AHRR: variants seen among roughly 807,000 people sequenced by gnomAD.
AHRR encodes the protein aryl hydrocarbon receptor repressor.
In AHRR, 28 loss-of-function variants were observed where a neutral mutation model predicts 44.0. The ratio of observed to expected loss-of-function variants is 0.64; its 90% CI spans 0.47 to 0.87. The LOEUF (loss-of-function observed/expected upper bound fraction) is 0.87. Among genes scored for constraint, AHRR ranks in the 40% least tolerant of loss-of-function variants. AHRR has a pLI of 0.00. For synonymous variants in AHRR, 434 were observed against 407.0 expected (o/e 1.07, Z -0.80); for missense variants, 990 against 953.9 (o/e 1.04, Z -0.50).
At chr5:414,891 C>T (rs1735649064) in intron 5 of AHRR, among the ~76,000 whole-genome samples, 1 of 152,204 alleles carries the variant, frequency 6.6e-6, no homozygotes, top group South Asian at 2.1e-4. Context: ...ACCAGTAGCA[C>T]CGGCTCAGCA....
At chr5:375,203 T>C (rs953318621) in intron 3 of AHRR, among the ~76,000 whole-genome samples, 1 of 152,244 alleles carries the variant, frequency 6.6e-6, no homozygotes, top group Non-Finnish European at 1.5e-5. Flanking sequence ...GACATTATGC[T>C]TTTATTCAAG....
chr5:420,471 G>A (rs2126527740), intron 5 of AHRR, among the ~76,000 whole-genome samples: 1 of 152,348 alleles, frequency 6.6e-6, no homozygotes. Context: ...GTTGAACGGA[G>A]GTGGGGCCTG....
chr5:427,802 A>C lies in AHRR; in HGVS notation c.709-5A>C. 1 of 1,614,046 alleles carries C rather than the reference A, an allele frequency of 6.2e-7. No homozygotes were observed. The highest frequency in any genetic ancestry group is 8.5e-7 in the Non-Finnish European group (1 of 1,179,922). ...ACGCCTTCCTCTCTGTCTTTAAAACACCAGACGATGCAGTTTCAAGGAAAA... is the reference window on the plus strand; with the variant it reads ...ACGCCTTCCTCTCTGTCTTTAAAACCCCAGACGATGCAGTTTCAAGGAAAA... On this transcript the variant is annotated splice_polypyrimidine_tract_variant and splice_region_variant and intron_variant, in intron 7 of 10. Coordinates refer to ENST00000684583, the MANE Select transcript of AHRR (RefSeq NM_001377236.1).
chr5:377,116 C>A (rs745408418), intron 4 of AHRR, among the ~76,000 whole-genome samples: 5 of 152,146 alleles, frequency 3.3e-5, no homozygotes, highest in African/African-American at 4.8e-5. Flanking sequence ...TGGTTTCAAT[C>A]TTGGGGTGGC....
chr5:394,080 T>C (rs1192672821), intron 4 of AHRR, among the ~76,000 whole-genome samples: 2 of 152,250 alleles, frequency 1.3e-5, no homozygotes, highest in African/African-American at 4.8e-5. Flanking sequence ...TTTTATCTTC[T>C]GGACCTGCTG....
chr5:366,698 G>T (rs550769068), intron 3 of AHRR, among the ~76,000 whole-genome samples: 1 of 152,274 alleles, frequency 6.6e-6, no homozygotes, highest in East Asian at 1.9e-4. Context: ...GATCTTACCC[G>T]CCAATAGTGG....
In AHRR at chr5:423,986, G is replaced by C. The variant is rs374327351; in HGVS notation, c.708+9G>C. The C allele has an allele frequency of 2.5e-6, 4 of 1,595,134 alleles. No individual in the cohort carries two copies. In the South Asian group the frequency reaches 3.3e-5, roughly 13 times the overall value. On this transcript the variant is annotated intron_variant, in intron 7 of 10. Transcript: ENST00000684583. ...GCACCTCGGGCTTCCTGGTGAGTGC[G>C]TGGGTCCCTGGCAGGGGGCTCCCGA...
chr5:424,024 A>G (rs1009078420), intron 7 of AHRR, 47 bp downstream of exon 7: 6 of 1,574,042 alleles, frequency 3.8e-6, no homozygotes, highest in Non-Finnish European at 2.6e-6. Flanking sequence ...TCTGGGATGC[A>G]TTCTACCCTG....
intron 7 of AHRR, 132 bp from the exon 8 acceptor site, chr5:427,675 T>A (rs765524322): frequency 1.9e-6 from 3 of 1,613,500 alleles, no homozygotes; most frequent in Non-Finnish European, 2.5e-6. Context: ...GGCTCTGCTG[T>A]CCCGAGCCAC....
chr5:376,555 A>AACACAG (rs1306970800), intron 3 of AHRR, 55 bp from the exon 4 acceptor site: 7 of 1,431,442 alleles, frequency 4.9e-6, no homozygotes, highest in Admixed American at 2.2e-5. Context: ...TGAATGAAGA[A>AACACAG]GAGTGGCCAG....
At chr5:345,126 ATG>A (rs146530987) in intron 2 of AHRR, among the ~76,000 whole-genome samples, 304 of 2,622 alleles carry the variant, frequency 0.12, 46 homozygotes, top group East Asian at 0.28. Flanking sequence ...GTGTGTGGGG[ATG>A]TGTGTGTGTG....
chr5:363,054 C>A (rs1331410717), intron 3 of AHRR, among the ~76,000 whole-genome samples: 1 of 152,222 alleles, frequency 6.6e-6, no homozygotes, highest in African/African-American at 2.4e-5. Flanking sequence ...ATAGGTCCAG[C>A]AAAACAGTTA....
At chr5:425,636 T>A (rs1256034451) in intron 7 of AHRR, among the ~76,000 whole-genome samples, 1 of 152,370 alleles carries the variant, frequency 6.6e-6, no homozygotes, top group South Asian at 2.1e-4. Context: ...AAACTCTTAT[T>A]TCTAGGTGAC....
chr5:402,864 G>A (rs968020157), intron 4 of AHRR, among the ~76,000 whole-genome samples: 3 of 152,166 alleles, frequency 2.0e-5, no homozygotes, highest in African/African-American at 7.2e-5. Flanking sequence ...TGTTCAACCA[G>A]AAAAAGAAGG....
intron 7 of AHRR, among the ~76,000 whole-genome samples, chr5:427,067 A>G (rs150174681): frequency 5.3e-4 from 80 of 151,036 alleles, no homozygotes; most frequent in African/African-American, 1.8e-3. Context: ...GGATGGGTGG[A>G]TGGATGGATG....
intron 3 of AHRR, among the ~76,000 whole-genome samples, chr5:372,821 C>T (rs1743624886): frequency 1.3e-5 from 2 of 152,282 alleles, no homozygotes; most frequent in Admixed American, 6.5e-5. Flanking sequence ...TGGGTCAGAC[C>T]GAGTCACAGG....
chr5:415,136 C>T (rs1048002497), intron 5 of AHRR, among the ~76,000 whole-genome samples: 2 of 152,266 alleles, frequency 1.3e-5, no homozygotes, highest in East Asian at 1.9e-4. Flanking sequence ...ACCTGGAGGC[C>T]GCTAGGCGCT....
chr5:419,729 G>A lies in AHRR; in HGVS notation c.442-3000G>A, dbSNP rs1735983302. ...CGGCCCATAAGAGCTGATGGGGTTGGTATTTCTGTTTGTTGCCAACCCCTG... is the reference window on the plus strand; with the variant it reads ...CGGCCCATAAGAGCTGATGGGGTTGATATTTCTGTTTGTTGCCAACCCCTG... On this transcript the variant is annotated intron_variant, in intron 5 of 10. Coordinates refer to ENST00000684583, the MANE Select transcript of AHRR (RefSeq NM_001377236.1). The surrounding 1 kb of genome is among the most constrained non-coding windows in gnomAD (Gnocchi z 4.4). 6.6e-6 allele frequency among the ~76,000 whole-genome samples: 1 copy of A among 152,142 alleles called. No individual in the cohort carries two copies. Among genetic ancestry groups the A allele is most frequent in the South Asian group, 2.1e-4 (1 of 4,830 alleles).
At position 434,550 on chromosome 5, in the gene AHRR, C is replaced by G; in HGVS notation, c.1810C>G (p.Arg604Gly). 1 of 1,604,428 alleles carries G rather than the reference C, an allele frequency of 6.2e-7. No individual in the cohort carries two copies. Among genetic ancestry groups the G allele is most frequent in the Non-Finnish European group, 8.5e-7 (1 of 1,176,030 alleles). ...GCCCCATGGGAGGGCCACTGCTGGG[C>G]GCAGCAGGGAGCTGACCCCTTTCCA... is the stretch of plus-strand genomic sequence containing the variant. ...AQPHGRATAG[R>G]SRELTPFHPA... The change falls in exon 11 of 11, where the codon CGC becomes GGC. Residue 604 changes from arginine (R) to glycine (G), a missense_variant. Physicochemically the swap from Arg to Gly is moderately radical, Grantham distance 125 (BLOSUM62 -2). Coordinates refer to ENST00000684583, the MANE Select transcript of AHRR (RefSeq NM_001377236.1).
Sources: allele counts gnomAD v4.1 joint callset (sites outside exome capture counted in the v4.1 genomes callset), GRCh38; gene constraint gnomAD v4.1.1; non-coding constraint Gnocchi (gnomAD v3.1); transcripts MANE v1.5; gene names NCBI Gene and HGNC (gene_info 2026-07-23, HGNC 2026-07-21).